The following CNTN4 variants were observed in gnomAD, a reference collection of about 807,000 sequenced individuals.
CNTN4 encodes the protein contactin 4.
CNTN4 carries 77 observed loss-of-function variants against 122.5 expected under a neutral mutation model. That is an observed-to-expected ratio of 0.63 (90% CI 0.52 to 0.76). CNTN4 has a LOEUF of 0.76. CNTN4 is among the 30% of genes least tolerant of loss of function. The pLI, the probability that CNTN4 is intolerant of heterozygous loss-of-function variation, is 0.00. For missense variants in CNTN4, 1,256 were observed against 1,259.1 expected (o/e 1.00, Z 0.04); for synonymous variants, 512 against 447.0 (o/e 1.15, Z -1.83).
chr3:2,233,574 A>G (rs894256725), intron 2 of CNTN4, among the ~76,000 whole-genome samples: 4 of 152,168 alleles, frequency 2.6e-5, no homozygotes, highest in Non-Finnish European at 4.4e-5. Context: ...CAGGATAGGC[A>G]TAGATGGTTT....
chr3:2,662,759 T>A (rs2083961505), intron 4 of CNTN4, among the ~76,000 whole-genome samples: 1 of 152,100 alleles, frequency 6.6e-6, no homozygotes, highest in Non-Finnish European at 1.5e-5. Context: ...CTACGAAAAG[T>A]ATGATATGGC....
intron 4 of CNTN4, among the ~76,000 whole-genome samples, chr3:2,706,593 A>G (rs2086753560): frequency 6.6e-6 from 1 of 152,164 alleles, no homozygotes; most frequent in South Asian, 2.1e-4. Context: ...TTTCATCGCA[A>G]ATGAAAAATG....
chr3:2,111,357 A>G (rs2032942105), intron 2 of CNTN4, among the ~76,000 whole-genome samples: 1 of 152,180 alleles, frequency 6.6e-6, no homozygotes, highest in African/African-American at 2.4e-5. Context: ...ATTTTCAGAG[A>G]AGAACCTTTT....
At chr3:3,009,034 G>A in intron 14 of CNTN4, 1 of 985,398 alleles carries the variant, frequency 1.0e-6, no homozygotes, top group Non-Finnish European at 1.2e-6. Flanking sequence ...GACAAGCCTG[G>A]TGTTATTAGC....
At chr3:2,929,504 A>T (rs2094501419) in intron 13 of CNTN4, among the ~76,000 whole-genome samples, 1 of 152,204 alleles carries the variant, frequency 6.6e-6, no homozygotes, top group Admixed American at 6.5e-5. Context: ...GAGAAACCCA[A>T]CTCAAAAGGA....
intron 14 of CNTN4, among the ~76,000 whole-genome samples, chr3:3,024,137 A>G (rs143858366): frequency 6.6e-6 from 1 of 152,300 alleles, no homozygotes; most frequent in East Asian, 1.9e-4. Context: ...AAATCAAGAA[A>G]TAAATGAATT....
intron 13 of CNTN4, among the ~76,000 whole-genome samples, chr3:2,959,600 C>T (rs919443220): frequency 6.6e-6 from 1 of 151,892 alleles, no homozygotes; most frequent in African/African-American, 2.4e-5. Flanking sequence ...AGATTAATAT[C>T]TAGCCCAGAG....
intron 3 of CNTN4, among the ~76,000 whole-genome samples, chr3:2,481,662 C>A (rs1023772117): frequency 1.1e-4 from 17 of 152,232 alleles, no homozygotes; most frequent in African/African-American, 4.1e-4. Context: ...ACCCAAATCT[C>A]ATCTTGAATT....
At position 2,331,515 on chromosome 3, in the gene CNTN4, T is replaced by G. The variant is rs2043720344; in HGVS notation, c.-144-7663T>G. On this transcript the variant is annotated intron_variant, in intron 2 of 24. Coordinates refer to ENST00000418658, the MANE Select transcript of CNTN4 (RefSeq NM_175607.3). ...ATGTCTTCAGACTTTGCCAACAAAT[T>G]ACCTTTAGATGTAATCACTGATTTA... 2.0e-5 allele frequency among the ~76,000 whole-genome samples: 3 copies of G among 152,154 alleles called. No homozygotes were observed. In the South Asian group the frequency reaches 6.2e-4, roughly 31 times the overall value.
At chr3:2,221,573 T>C (rs1215256786) in intron 2 of CNTN4, among the ~76,000 whole-genome samples, 3 of 151,408 alleles carry the variant, frequency 2.0e-5, no homozygotes, top group Non-Finnish European at 4.4e-5. Flanking sequence ...TAAAAAAAAT[T>C]TCCTTCAAAG....
intron 3 of CNTN4, among the ~76,000 whole-genome samples, chr3:2,364,585 A>G (rs1417620970): frequency 6.6e-6 from 1 of 152,016 alleles, no homozygotes; most frequent in Non-Finnish European, 1.5e-5. Context: ...CTTTTAATCT[A>G]GTTGAGTCCC....
At chr3:2,653,268 C>T (rs1484686948) in intron 4 of CNTN4, among the ~76,000 whole-genome samples, 1 of 152,058 alleles carries the variant, frequency 6.6e-6, no homozygotes, top group Non-Finnish European at 1.5e-5. Flanking sequence ...CAACATACTG[C>T]TTTAAAACTC....
chr3:2,988,647 G>T (rs1694799962), intron 14 of CNTN4, 175 bp downstream of exon 14: 1 of 671,050 alleles, frequency 1.5e-6, no homozygotes, highest in Non-Finnish European at 2.6e-6. Flanking sequence ...TGCTGGTAAT[G>T]AATATGATTG....
At chr3:2,178,665 T>A (rs116277039) in intron 2 of CNTN4, among the ~76,000 whole-genome samples, 1 of 152,062 alleles carries the variant, frequency 6.6e-6, no homozygotes, top group Admixed American at 6.6e-5. Flanking sequence ...ATGAGGAGAA[T>A]TGAAATTCTA....
At chr3:2,747,444 A>G (rs1237002134) in intron 6 of CNTN4, among the ~76,000 whole-genome samples, 2 of 145,234 alleles carry the variant, frequency 1.4e-5, no homozygotes, top group Non-Finnish European at 3.0e-5. Context: ...AAAATAAAAT[A>G]CTATACCCAA....
intron 3 of CNTN4, among the ~76,000 whole-genome samples, chr3:2,513,953 TG>T (rs932809707): frequency 2.6e-4 from 40 of 152,294 alleles, no homozygotes; most frequent in African/African-American, 8.9e-4. Context: ...GAATTGTATA[TG>T]TAAAGATAGT....
At chr3:2,946,190 C>T (rs1433778901) in intron 13 of CNTN4, among the ~76,000 whole-genome samples, 1 of 152,012 alleles carries the variant, frequency 6.6e-6, no homozygotes, top group East Asian at 1.9e-4. Flanking sequence ...GTTCATTGCA[C>T]ACTGATTGTC....
intron 3 of CNTN4, among the ~76,000 whole-genome samples, chr3:2,340,685 T>TTATATATATATATATA (rs373402290): frequency 1.6e-3 from 48 of 29,608 alleles, no homozygotes; most frequent in Admixed American, 3.3e-3. Flanking sequence ...GTCATAAATT[T>TTATATATATATATATA]TATATATATA....
Position 2,571,514 on chromosome 3 carries a change from C to G in CNTN4, c.11C>G (p.Pro4Arg). MRL[P>R]WELLVLQSFI... ...CCTCGGAAACTGAAGATGAGGTTGC[C>G]ATGGGAACTGCTGGTACTGCAATCA... Residue 4 changes from proline (P) to arginine (R), a missense_variant, in exon 4 of 25, where the codon CCA becomes CGA. Pro to Arg is a moderately radical substitution (Grantham distance 103). Transcript: ENST00000418658. The G allele has an allele frequency of 6.2e-7, 1 of 1,613,468 alleles. No individual in the cohort carries two copies. Among genetic ancestry groups the G allele is most frequent in the Non-Finnish European group, 8.5e-7 (1 of 1,179,394 alleles).
Sources: allele counts gnomAD v4.1 joint callset (sites outside exome capture counted in the v4.1 genomes callset), GRCh38; gene constraint gnomAD v4.1.1; transcripts MANE v1.5; gene names NCBI Gene and HGNC (gene_info 2026-07-23, HGNC 2026-07-21).